Variants in AGTPBP1 observed in about 807,000 individuals in gnomAD.
AGTPBP1 encodes the protein cytosolic carboxypeptidase 1.
A neutral mutation model predicts 143.9 loss-of-function variants in AGTPBP1; 70 were observed. The ratio of observed to expected loss-of-function variants is 0.49; its 90% CI spans 0.40 to 0.59. The LOEUF (loss-of-function observed/expected upper bound fraction) is 0.59, where lower values mean the gene tolerates loss of function less well. Ranked by LOEUF, AGTPBP1 falls within the 20% of genes least tolerant of loss-of-function variation. The pLI is 0.00. For synonymous variants in AGTPBP1, 463 were observed against 500.2 expected (o/e 0.93, Z 0.99); for missense variants, 1,229 against 1,464.5 (o/e 0.84, Z 2.62).
In AGTPBP1 at chr9:85,646,552, C is replaced by T. The variant is rs1832821786; in HGVS notation, c.1088-134G>A. 3.0e-5 allele frequency: 19 copies of T among 639,116 alleles called. 1 individual carries two copies. The highest frequency in any genetic ancestry group is 5.0e-5 in the Non-Finnish European group (19 of 379,596). 39.6% of individuals were successfully genotyped at this position (639,116 alleles called of 1,614,324 possible). On this transcript the variant is annotated intron_variant, in intron 11 of 25. Transcript: ENST00000357081. ...GTAAATGAGATTTCTTATTTAACAT[C>T]TCTCTAAGGCTGTCCCAGCTGTTGA...
At chr9:85,681,893 G>A (rs1835207428) in intron 3 of AGTPBP1, among the ~76,000 whole-genome samples, 1 of 151,676 alleles carries the variant, frequency 6.6e-6, no homozygotes, top group African/African-American at 2.4e-5. Context: ...GGGATTACAA[G>A]TGTGTGCCAC....
At chr9:85,773,984 C>T in the AGTPBP1 span, 1 of 1,611,092 alleles carries the variant, frequency 6.2e-7, no homozygotes, top group Non-Finnish European at 8.5e-7. Flanking sequence ...GACTGACCCT[C>T]CAGCAAAAGG....
At chr9:85,679,334 G>C (rs1365953241) in intron 4 of AGTPBP1, among the ~76,000 whole-genome samples, 1 of 152,048 alleles carries the variant, frequency 6.6e-6, no homozygotes, top group Non-Finnish European at 1.5e-5. Flanking sequence ...CTTTTCCTGA[G>C]AACTGAGCAT....
the AGTPBP1 span, among the ~76,000 whole-genome samples, chr9:85,780,592 C>T: frequency 6.6e-6 from 1 of 152,062 alleles, no homozygotes; most frequent in Non-Finnish European, 1.5e-5. Flanking sequence ...AAACACCTTA[C>T]TTCTGGTGTT....
chr9:85,588,265 T>C (rs764014819), intron 21 of AGTPBP1, 33 bp downstream of exon 21: 11 of 1,538,540 alleles, frequency 7.1e-6, no homozygotes, highest in Non-Finnish European at 8.8e-6. Flanking sequence ...CACAATGGTC[T>C]TGAATATATT....
intron 17 of AGTPBP1, among the ~76,000 whole-genome samples, chr9:85,600,057 A>G (rs1269821007): frequency 6.6e-6 from 1 of 152,186 alleles, no homozygotes; most frequent in African/African-American, 2.4e-5. Context: ...GGAAAATATC[A>G]CATGTGTTAG....
the AGTPBP1 span, among the ~76,000 whole-genome samples, chr9:85,768,267 C>T: frequency 1.3e-5 from 2 of 152,218 alleles, no homozygotes; most frequent in Admixed American, 1.3e-4. Flanking sequence ...TCCTCAGCCA[C>T]GTATAAAGGC....
intron 1 of AGTPBP1, among the ~76,000 whole-genome samples, chr9:85,734,169 C>T (rs1463343669): frequency 6.6e-6 from 1 of 152,124 alleles, no homozygotes; most frequent in East Asian, 1.9e-4. Flanking sequence ...AGAAGGATCG[C>T]TTGAACCCAG....
At position 85,741,912 on chromosome 9, in the gene AGTPBP1, G is replaced by A. The variant is rs1042027902; in HGVS notation, c.-171C>T. 7.5e-7 allele frequency: 1 copy of A among 1,329,878 alleles called. No individual in the cohort carries two copies. Among genetic ancestry groups the A allele is most frequent in the African/African-American group, 1.5e-5 (1 of 65,056 alleles). The allele number at this position is 1,329,878 out of a possible 1,614,324, so 82.4% of individuals were successfully genotyped here. ...CGGTGGCAGGCGAGGCGGAGGCGGC[G>A]GCGGCGGCAGCTGCGGCGGCGGCGC... On this transcript the variant is annotated 5_prime_UTR_variant, in exon 1 of 26. Transcript: ENST00000357081.
intron 11 of AGTPBP1, among the ~76,000 whole-genome samples, chr9:85,649,156 T>G (rs1207268566): frequency 1.3e-5 from 2 of 152,172 alleles, no homozygotes; most frequent in Non-Finnish European, 2.9e-5. Context: ...GTCCTTGGCT[T>G]ATAGTAAAAA....
chr9:85,714,371 C>T (rs73481004), intron 1 of AGTPBP1, among the ~76,000 whole-genome samples: 6,268 of 152,194 alleles, frequency 0.041, 111 homozygotes, highest in East Asian at 0.054. Flanking sequence ...GAATGAAGTG[C>T]ATTTTAGCAC....
chr9:85,725,377 T>C (rs1464682459), intron 1 of AGTPBP1, among the ~76,000 whole-genome samples: 1 of 152,196 alleles, frequency 6.6e-6, no homozygotes, highest in Admixed American at 6.5e-5. Flanking sequence ...ACAACCTCAT[T>C]AACAATTGTG....
the AGTPBP1 span, among the ~76,000 whole-genome samples, chr9:85,765,343 G>T: frequency 6.6e-6 from 1 of 152,266 alleles, no homozygotes; most frequent in South Asian, 2.1e-4. Flanking sequence ...TAAGGAATTA[G>T]GGGTTAATTC....
chr9:85,647,607 C>T (rs1207301252), intron 11 of AGTPBP1, among the ~76,000 whole-genome samples: 12 of 152,038 alleles, frequency 7.9e-5, no homozygotes, highest in South Asian at 2.1e-4. Context: ...TATGGGAAAA[C>T]GAGAAATGCA....
the AGTPBP1 span, among the ~76,000 whole-genome samples, chr9:85,804,897 A>C: frequency 1.3e-5 from 2 of 152,180 alleles, no homozygotes; most frequent in Admixed American, 1.3e-4. Context: ...CCCAAGTTGC[A>C]GGGAACCCAA....
chr9:85,793,631 A>C, the AGTPBP1 span, among the ~76,000 whole-genome samples: 2 of 152,200 alleles, frequency 1.3e-5, no homozygotes, highest in Non-Finnish European at 2.9e-5. Flanking sequence ...GAAAAGAAGA[A>C]TACTAACATA....
chr9:85,749,765 G>A, the AGTPBP1 span, among the ~76,000 whole-genome samples: 13 of 152,194 alleles, frequency 8.5e-5, no homozygotes, highest in East Asian at 1.9e-3. Context: ...GATATAAAAA[G>A]CCTAGCACAG....
At chr9:85,648,930 T>G (rs1394248439) in intron 11 of AGTPBP1, among the ~76,000 whole-genome samples, 1 of 152,194 alleles carries the variant, frequency 6.6e-6, no homozygotes, top group African/African-American at 2.4e-5. Flanking sequence ...CAATTTTTAG[T>G]CAAACCTTTC....
chr9:85,788,176 T>A, the AGTPBP1 span: 4 of 152,072 alleles, frequency 2.6e-5, no homozygotes, highest in African/African-American at 7.2e-5. Flanking sequence ...TAAATATTGG[T>A]CCAATGAGAT....
Sources: gnomAD v4.1 joint callset for allele counts (sites outside exome capture counted in the v4.1 genomes callset) on GRCh38, gnomAD v4.1.1 for gene constraint, MANE v1.5 for transcripts, NCBI Gene and HGNC (gene_info 2026-07-23, HGNC 2026-07-21) for gene names.